Variants in EZR observed in about 807,000 individuals in gnomAD.
EZR encodes cytovillin 2.
Under a neutral mutation model 74.8 loss-of-function variants are expected in EZR, and 40 were observed. That is an observed-to-expected ratio of 0.53 (90% CI 0.42 to 0.70). The LOEUF (loss-of-function observed/expected upper bound fraction) is 0.70. Ranked by LOEUF, EZR falls within the 30% of genes least tolerant of loss-of-function variation. The probability of loss-of-function intolerance (pLI) is 0.00; values close to 1 mark genes in which losing one functional copy is unlikely to be tolerated. For synonymous variants in EZR, 341 were observed against 283.3 expected, an observed-to-expected ratio of 1.20 and a Z score of -2.05; for missense variants, 678 against 755.8, an observed-to-expected ratio of 0.90 and a Z score of 1.21.
intron 2 of EZR, among the ~76,000 whole-genome samples, chr6:158,816,939 G>A (rs2128578334): frequency 6.6e-6 from 1 of 152,208 alleles, no homozygotes; most frequent in Non-Finnish European, 1.5e-5. Context: ...ACAAAAACCA[G>A]CTGGGCATGG....
At chr6:158,782,299 G>A (rs889956861) in intron 7 of EZR, among the ~76,000 whole-genome samples, 1 of 152,176 alleles carries the variant, frequency 6.6e-6, no homozygotes, top group Non-Finnish European at 1.5e-5. Context: ...GAATCCGCGT[G>A]GTTGCAAATG....
intron 2 of EZR, among the ~76,000 whole-genome samples, chr6:158,798,267 G>C (rs1184243590): frequency 6.6e-6 from 1 of 152,106 alleles, no homozygotes; most frequent in Non-Finnish European, 1.5e-5. Flanking sequence ...TTTAGCAATT[G>C]CAAATAAGAA....
chr6:158,800,001 C>G (rs113568535), intron 2 of EZR, among the ~76,000 whole-genome samples: 2 of 152,154 alleles, frequency 1.3e-5, no homozygotes, highest in Admixed American at 6.5e-5. Flanking sequence ...AACCCAATGA[C>G]GACTTTTTAC....
chr6:158,785,293 G>A lies in EZR; in HGVS notation c.467+16C>T. 6.2e-7 allele frequency: 1 copy of A among 1,610,784 alleles called. No homozygotes were observed. Among genetic ancestry groups the A allele is most frequent in the Non-Finnish European group, 8.5e-7 (1 of 1,177,866 alleles). The stretch of plus-strand genomic sequence containing the variant: ...GCATGACTGCTCCTGCCCAGGCCGG[G>A]TCATCCTGTGCTCACCTTTGAGGGA... On this transcript the variant is annotated intron_variant, in intron 5 of 13. Coordinates refer to ENST00000367075, the MANE Select transcript of EZR (RefSeq NM_001111077.2).
chr6:158,814,980 C>T (rs1273750395), intron 2 of EZR, among the ~76,000 whole-genome samples: 4 of 152,146 alleles, frequency 2.6e-5, no homozygotes, highest in African/African-American at 9.7e-5. Flanking sequence ...ATACTTTGCC[C>T]GTTGAATTCA....
intron 2 of EZR, among the ~76,000 whole-genome samples, chr6:158,808,653 G>C (rs1433359939): frequency 6.6e-6 from 1 of 152,114 alleles, no homozygotes; most frequent in Non-Finnish European, 1.5e-5. Context: ...AGGCATCCCA[G>C]GCGGGCACGC....
intron 10 of EZR, 120 bp downstream of exon 10, chr6:158,770,644 G>A (rs1791073641): frequency 3.5e-6 from 4 of 1,139,068 alleles, no homozygotes; most frequent in Non-Finnish European, 3.8e-6. Context: ...TCGGCTGTGA[G>A]TCTGCGCTGT....
chr6:158,777,794 T>A (rs1791321620), intron 7 of EZR, among the ~76,000 whole-genome samples: 1 of 152,162 alleles, frequency 6.6e-6, no homozygotes, highest in Non-Finnish European at 1.5e-5. Flanking sequence ...GCGCAGTCAG[T>A]CATGGTGTGC....
intron 9 of EZR, 23 bp downstream of exon 9, chr6:158,771,221 C>CT (rs551201166): frequency 1.3e-6 from 2 of 1,589,706 alleles, no homozygotes; most frequent in African/African-American, 1.3e-5. Flanking sequence ...CAGGCCCCCC[C>CT]CACTCTGGCC....
intron 11 of EZR, 100 bp downstream of exon 11, chr6:158,769,684 C>A (rs2128564578): frequency 6.7e-7 from 1 of 1,499,336 alleles, no homozygotes; most frequent in Non-Finnish European, 9.1e-7. Context: ...CAGTTTACAG[C>A]TTCCAGTCAT....
intron 7 of EZR, among the ~76,000 whole-genome samples, chr6:158,781,067 T>C (rs1791420672): frequency 6.6e-6 from 1 of 152,302 alleles, no homozygotes; most frequent in East Asian, 1.9e-4. Flanking sequence ...CCATATTCAA[T>C]AGATCAGCTT....
At chr6:158,769,045 G>A (rs1372011138) in intron 12 of EZR, among the ~76,000 whole-genome samples, 1 of 152,194 alleles carries the variant, frequency 6.6e-6, no homozygotes, top group Non-Finnish European at 1.5e-5. Context: ...CGGGGTGGAG[G>A]GAGCAAAGTG....
chr6:158,778,704 A>G (rs1791348042), intron 7 of EZR, among the ~76,000 whole-genome samples: 1 of 152,216 alleles, frequency 6.6e-6, no homozygotes, highest in Non-Finnish European at 1.5e-5. Flanking sequence ...AACCTGGTGC[A>G]TCTCGAGGAG....
In EZR at chr6:158,819,367, G is replaced by A. The variant is rs1341021930; in HGVS notation, c.-124C>T. 6.6e-6 allele frequency: 1 copy of A among 152,586 alleles called. No individual in the cohort carries two copies. Among genetic ancestry groups the A allele is most frequent in the Non-Finnish European group, 1.5e-5 (1 of 68,228 alleles). 9.5% of individuals were successfully genotyped at this position (152,586 alleles called of 1,614,324 possible). A position where few individuals can be genotyped will look rare whatever the true frequency, so the allele number is the denominator to read the frequency against. On this transcript the variant is annotated 5_prime_UTR_variant, in exon 1 of 14. Coordinates refer to ENST00000367075, the MANE Select transcript of EZR (RefSeq NM_001111077.2). ...TCCCCGCCGCCCTTGCGTCCGCCGA[G>A]TGCGCTCGCTGCCCGCGCTCCCAAA... is the stretch of plus-strand genomic sequence containing the variant.
At chr6:158,792,739 C>T (rs986630110) in intron 2 of EZR, among the ~76,000 whole-genome samples, 4 of 150,496 alleles carry the variant, frequency 2.7e-5, no homozygotes, top group Admixed American at 1.3e-4. Flanking sequence ...GGCATCAACC[C>T]GGGAGGTGGA....
At position 158,766,719 on chromosome 6, in the gene EZR, C is replaced by T. The variant is rs1439453644; in HGVS notation, c.*195G>A. On this transcript the variant is annotated 3_prime_UTR_variant, in exon 14 of 14. Coordinates refer to ENST00000367075, the MANE Select transcript of EZR (RefSeq NM_001111077.2). ...AATCGCGAGAATCAGGCCTGCTTGG[C>T]ACTATTACAACTGGGGAAAACAAAC... The T allele has an allele frequency of 6.4e-6, 4 of 623,482 alleles. No individual in the cohort carries two copies. In the Admixed American group the frequency reaches 8.4e-5, roughly 13 times the overall value. 38.6% of individuals were successfully genotyped at this position (623,482 alleles called of 1,614,324 possible). A position where few individuals can be genotyped will look rare whatever the true frequency, so the allele number is the denominator to read the frequency against.
At chr6:158,802,460 C>T (rs1304200211) in intron 2 of EZR, among the ~76,000 whole-genome samples, 1 of 152,146 alleles carries the variant, frequency 6.6e-6, no homozygotes, top group Non-Finnish European at 1.5e-5. Context: ...TTACAAACAC[C>T]TTATAGTTTA....
intron 1 of EZR, among the ~76,000 whole-genome samples, chr6:158,818,771 A>AT (rs1777624520): frequency 6.9e-6 from 1 of 145,272 alleles, no homozygotes; most frequent in Admixed American, 6.8e-5. Context: ...ACCTAGGAGG[A>AT]AGGAGTCCCG....
At chr6:158,793,284 C>T (rs940266587) in intron 2 of EZR, among the ~76,000 whole-genome samples, 3 of 151,914 alleles carry the variant, frequency 2.0e-5, no homozygotes, top group African/African-American at 7.3e-5. Context: ...TCTGGCACTG[C>T]AGTAATAAAA....
Sources: allele counts gnomAD v4.1 joint callset (sites outside exome capture counted in the v4.1 genomes callset), GRCh38; gene constraint gnomAD v4.1.1; transcripts MANE v1.5; gene names NCBI Gene and HGNC (gene_info 2026-07-23, HGNC 2026-07-21).